COPG1: variants seen among roughly 807,000 people sequenced by gnomAD.
COPG1 encodes coatomer subunit gamma-1.
In COPG1, 29 loss-of-function variants were observed where a neutral mutation model predicts 102.8. The observed-to-expected ratio is 0.28, with a 90% CI of 0.21 to 0.38. The LOEUF is 0.38. COPG1 is among the 10% of genes least tolerant of loss of function. The pLI is 1.00. For missense variants in COPG1, 875 were observed against 1,132.7 expected (o/e 0.77, Z 3.27); for synonymous variants, 406 against 421.6 (o/e 0.96, Z 0.45).
chr3:129,274,462 T>C (rs1215188875), intron 21 of COPG1, among the ~76,000 whole-genome samples: 1 of 152,144 alleles, frequency 6.6e-6, no homozygotes, highest in Non-Finnish European at 1.5e-5. Flanking sequence ...GAAGAGCTCA[T>C]CATCCCCTAG....
intron 12 of COPG1, among the ~76,000 whole-genome samples, chr3:129,262,846 C>T (rs555540924): frequency 9.2e-5 from 14 of 151,866 alleles, no homozygotes; most frequent in East Asian, 5.8e-4. Context: ...TGGTGAAACC[C>T]TGTCTCTACT....
intron 12 of COPG1, among the ~76,000 whole-genome samples, chr3:129,262,005 A>G (rs1939935113): frequency 6.6e-6 from 1 of 152,192 alleles, no homozygotes; most frequent in Non-Finnish European, 1.5e-5. Context: ...AATATGAATA[A>G]TATATTGTGG....
rs112320948 is a variant in COPG1 at position 129,266,536 on chromosome 3, T to G, written c.1469-488T>G. On this transcript the variant is annotated intron_variant, in intron 14 of 23. Coordinates refer to ENST00000314797, the MANE Select transcript of COPG1 (RefSeq NM_016128.4). ...AAAATTCACCCATTTATATAAAGTT[T>G]ACAATTCAGTGAGCAACCTTCCTAT... Among the ~76,000 whole-genome samples the G allele has an allele frequency of 9.1e-3, 1,385 of 152,332 alleles. 17 individuals carry two copies. The highest frequency in any genetic ancestry group is 0.032 in the African/African-American group (1,314 of 41,576).
At chr3:129,273,934 G>T in intron 21 of COPG1, 1 of 436,228 alleles carries the variant, frequency 2.3e-6, no homozygotes, top group South Asian at 1.6e-5. Flanking sequence ...TGACTTTGGG[G>T]CAGTGGCTCA....
At chr3:129,264,962 C>T (rs953675996) in intron 13 of COPG1, among the ~76,000 whole-genome samples, 2 of 151,518 alleles carry the variant, frequency 1.3e-5, no homozygotes, top group African/African-American at 4.9e-5. Flanking sequence ...CCTAGGACTA[C>T]AGGTGCCCCC....
At chr3:129,267,647 A>T (rs1247672941) in intron 15 of COPG1, among the ~76,000 whole-genome samples, 4 of 152,144 alleles carry the variant, frequency 2.6e-5, no homozygotes, top group Admixed American at 2.0e-4. Context: ...ATTGAGATAT[A>T]ATTCACATAC....
At position 129,249,644 on chromosome 3, in the gene COPG1, G is replaced by A; in HGVS notation, c.-66G>A. 6.5e-7 allele frequency: 1 copy of A among 1,537,116 alleles called. No individual in the cohort carries two copies. The highest frequency in any genetic ancestry group is 8.8e-7 in the Non-Finnish European group (1 of 1,135,988). ...AAGTGGTCCCTGTAGAACCACTGTGGCACCGCTACTCCGTGCCGCGCCCGT... is the reference window on the plus strand; with the variant it reads ...AAGTGGTCCCTGTAGAACCACTGTGACACCGCTACTCCGTGCCGCGCCCGT... On this transcript the variant is annotated 5_prime_UTR_variant, in exon 1 of 24. Coordinates refer to ENST00000314797, the MANE Select transcript of COPG1 (RefSeq NM_016128.4).
chr3:129,254,122 C>T (rs1201160563), intron 5 of COPG1, among the ~76,000 whole-genome samples: 1 of 151,672 alleles, frequency 6.6e-6, no homozygotes, highest in Admixed American at 6.6e-5. Flanking sequence ...CATAGTGAAA[C>T]CCCCTCTCTA....
At chr3:129,249,817 T>C in intron 1 of COPG1, 71 bp downstream of exon 1, 1 of 1,503,510 alleles carries the variant, frequency 6.7e-7, no homozygotes, top group Non-Finnish European at 9.0e-7. Flanking sequence ...TGGTTCTCTG[T>C]CCTGACCCGG....
intron 23 of COPG1, among the ~76,000 whole-genome samples, chr3:129,276,617 A>T (rs1940272926): frequency 6.6e-6 from 1 of 152,138 alleles, no homozygotes; most frequent in Non-Finnish European, 1.5e-5. Flanking sequence ...TCTTGCAGAC[A>T]CCTGCCCTGT....
At position 129,260,416 on chromosome 3, in the gene COPG1, G is replaced by T. The variant is rs1479719097; in HGVS notation, c.939+16G>T. ...CCTCAATAAGGTAAGAGTCCAGCTT[G>T]GGGGTTGGAGGAAGCTGTCTGATCC... On this transcript the variant is annotated intron_variant, in intron 11 of 23. Transcript: ENST00000314797. 1 of 1,612,550 alleles carries T rather than the reference G, an allele frequency of 6.2e-7. No individual in the cohort carries two copies. The highest frequency in any genetic ancestry group is 1.7e-5 in the Admixed American group (1 of 59,994).
At chr3:129,263,102 A>AGGAT (rs1939973379) in intron 12 of COPG1, among the ~76,000 whole-genome samples, 1 of 148,770 alleles carries the variant, frequency 6.7e-6, no homozygotes, top group Admixed American at 6.7e-5. Context: ...TCAGAAGGAG[A>AGGAT]GGATGGTGCC....
intron 11 of COPG1, 41 bp from the exon 12 acceptor site, chr3:129,260,578 A>G: frequency 1.9e-6 from 3 of 1,599,864 alleles, no homozygotes; most frequent in Non-Finnish European, 2.6e-6. Context: ...TAGTGACAGC[A>G]TTGGGTTCCT....
At chr3:129,260,578 ATT>A in intron 11 of COPG1, 39 bp from the exon 12 acceptor site, 2 of 1,599,864 alleles carry the variant, frequency 1.3e-6, no homozygotes, top group Non-Finnish European at 1.7e-6. Context: ...TAGTGACAGC[ATT>A]GGGTTCCTGC....
Position 129,277,385 on chromosome 3 carries a change from G to A in COPG1, c.2586G>A (p.Glu862=), listed in dbSNP as rs754501223. 5.6e-6 allele frequency: 9 copies of A among 1,614,024 alleles called. No homozygotes were observed. The highest frequency in any genetic ancestry group is 6.8e-6 in the Non-Finnish European group (8 of 1,179,980). The part of the protein sequence containing the change: ...VTMQVTARSL[E]ELPVDIILAS... Reference sequence around the variant, plus strand: ...TGCAGGTGACAGCCAGAAGTTTGGAGGAGCTGCCAGTAGACATCATCTTGG... The same window carrying A: ...TGCAGGTGACAGCCAGAAGTTTGGAAGAGCTGCCAGTAGACATCATCTTGG... Residue 862 remains glutamate (E), a synonymous_variant, in exon 24 of 24, where the codon GAG becomes GAA. Transcript: ENST00000314797.
rs1288748046 is a variant in COPG1 at position 129,263,930 on chromosome 3, C to T, written c.1155C>T (p.Ala385=). The change falls in exon 13 of 24, where the codon GCC becomes GCT. Residue 385 remains alanine, a synonymous_variant. Coordinates refer to ENST00000314797, the MANE Select transcript of COPG1 (RefSeq NM_016128.4). ...TGGTGGTTGTCCAGGCCATCAGTGC[C>T]CTGTGTCAGAAATATCCTCGCAAAC... ...FKVVVVQAIS[A]LCQKYPRKHA... is the part of the protein sequence containing the mutation. 3.1e-6 allele frequency: 5 copies of T among 1,614,154 alleles called. 1 individual carries two copies. In the South Asian group the frequency reaches 5.5e-5, roughly 18 times the overall value.
At chr3:129,255,202 G>T in intron 7 of COPG1, 125 bp downstream of exon 7, 2 of 647,548 alleles carry the variant, frequency 3.1e-6, no homozygotes, top group Non-Finnish European at 2.6e-6. Flanking sequence ...TGATTGAGAC[G>T]GAGTCTCACT....
chr3:129,263,016 A>G (rs1939956813), intron 12 of COPG1, among the ~76,000 whole-genome samples: 1 of 136,040 alleles, frequency 7.4e-6, no homozygotes, highest in African/African-American at 3.2e-5. Context: ...CTCCGTCTCA[A>G]AAAAAAAAAA....
intron 19 of COPG1, 37 bp from the exon 20 acceptor site, chr3:129,272,207 A>G: frequency 6.3e-7 from 1 of 1,583,760 alleles, no homozygotes; most frequent in Non-Finnish European, 8.7e-7. Context: ...GCTCGGACCT[A>G]GTGCAATGTT....
Sources: allele counts gnomAD v4.1 joint callset (sites outside exome capture counted in the v4.1 genomes callset), GRCh38; gene constraint gnomAD v4.1.1; transcripts MANE v1.5; gene names NCBI Gene and HGNC (gene_info 2026-07-23, HGNC 2026-07-21).